Variants in MTHFD2L observed in about 807,000 individuals in gnomAD.
MTHFD2L encodes the protein methylenetetrahydrofolate dehydrogenase (NADP+ dependent) 2 like, also known as bifunctional methylenetetrahydrofolate dehydrogenase/cyclohydrolase 2, mitochondrial.
In MTHFD2L, 29 loss-of-function variants were observed where a neutral mutation model predicts 34.9. The observed-to-expected ratio is 0.83, with a 90% CI of 0.62 to 1.13. The LOEUF (loss-of-function observed/expected upper bound fraction) is 1.13. Ranked by LOEUF, MTHFD2L falls within the 50% of genes most tolerant of loss-of-function variation. The pLI is 0.00. For synonymous variants in MTHFD2L, 167 were observed against 155.7 expected (o/e 1.07, Z -0.54); for missense variants, 481 against 446.5 (o/e 1.08, Z -0.70).
At chr4:74,264,990 C>A (rs533310475) in intron 6 of MTHFD2L, among the ~76,000 whole-genome samples, 120 of 152,180 alleles carry the variant, frequency 7.9e-4, no homozygotes, top group Non-Finnish European at 1.5e-3. Flanking sequence ...ACATGTGTAA[C>A]ACATTTCAAT....
At chr4:74,166,626 C>G (rs577681613) in intron 1 of MTHFD2L, among the ~76,000 whole-genome samples, 1 of 152,296 alleles carries the variant, frequency 6.6e-6, no homozygotes, top group East Asian at 1.9e-4. Context: ...GAAAAAAATG[C>G]AACAAGTGTT....
chr4:74,124,217 A>G (rs1019699994), upstream of MTHFD2L, among the ~76,000 whole-genome samples: 14 of 151,860 alleles, frequency 9.2e-5, no homozygotes, highest in African/African-American at 2.9e-4. Context: ...TATAACAAAT[A>G]GTGTGTTTTT....
chr4:74,270,254 G>A (rs1011295379), intron 6 of MTHFD2L, among the ~76,000 whole-genome samples: 1 of 151,570 alleles, frequency 6.6e-6, no homozygotes, highest in Non-Finnish European at 1.5e-5. Context: ...TGTGCCATGT[G>A]GGTGTGCTGC....
rs1214883457 is a variant in MTHFD2L, at chr4:74,302,506, C to T, written c.*697C>T. ...AATGATTATATCACATTGTGAATGA[C>T]TACTTGCCACAGTAAAAATACATGA... is the stretch of plus-strand genomic sequence containing the variant. On this transcript the variant is annotated 3_prime_UTR_variant, in exon 8 of 8. Transcript: ENST00000325278. 6.6e-6 allele frequency: 1 copy of T among 152,074 alleles called. No homozygotes were observed. The highest frequency in any genetic ancestry group is 2.4e-5 in the African/African-American group (1 of 41,442). The allele number at this position is 152,074 out of a possible 1,614,324, so 9.4% of individuals were successfully genotyped here. A position where few individuals can be genotyped will look rare whatever the true frequency, so the allele number is the denominator to read the frequency against.
intron 7 of MTHFD2L, among the ~76,000 whole-genome samples, chr4:74,283,568 G>A (rs1578716176): frequency 6.6e-6 from 1 of 152,274 alleles, no homozygotes; most frequent in African/African-American, 2.4e-5. Context: ...TCAGTTAAAT[G>A]ATAGCAATTA....
At chr4:74,298,554 G>T (rs1391890993) in intron 7 of MTHFD2L, among the ~76,000 whole-genome samples, 1 of 151,996 alleles carries the variant, frequency 6.6e-6, no homozygotes, top group East Asian at 1.9e-4. Flanking sequence ...TAATTTGGAA[G>T]AGGAAGATAA....
intron 3 of MTHFD2L, among the ~76,000 whole-genome samples, chr4:74,192,586 C>T (rs1350940614): frequency 1.3e-5 from 2 of 151,896 alleles, no homozygotes; most frequent in African/African-American, 4.8e-5. Flanking sequence ...TAATCTAAAC[C>T]CCTATCATAT....
At chr4:74,122,739 T>C (rs1721825483), upstream of MTHFD2L, among the ~76,000 whole-genome samples, 1 of 152,184 alleles carries the variant, frequency 6.6e-6, no homozygotes, top group South Asian at 2.1e-4. Context: ...CTGAAACAGT[T>C]TTATCTATCT....
At chr4:74,158,523 T>G (rs533039968) in intron 1 of MTHFD2L, 76 of 163,314 alleles carry the variant, frequency 4.7e-4, no homozygotes, top group Non-Finnish European at 6.9e-4. Context: ...GTTCCATCTT[T>G]GCAGCAGGTG....
chr4:74,262,996 C>T (rs768235352), intron 6 of MTHFD2L, among the ~76,000 whole-genome samples: 1 of 151,976 alleles, frequency 6.6e-6, no homozygotes, highest in East Asian at 1.9e-4. Flanking sequence ...ACTTATCTCT[C>T]AACTCACCAA....
At chr4:74,242,172 T>C (rs1384649548) in intron 6 of MTHFD2L, 1 of 141,812 alleles carries the variant, frequency 7.1e-6, no homozygotes, top group African/African-American at 2.6e-5. Flanking sequence ...AAATGACAAT[T>C]TAATTAAAGC....
At chr4:74,147,371 G>T (rs1723656785) in intron 1 of MTHFD2L, among the ~76,000 whole-genome samples, 1 of 152,144 alleles carries the variant, frequency 6.6e-6, no homozygotes, top group African/African-American at 2.4e-5. Flanking sequence ...TTATATCCTG[G>T]CAGTGTGGGA....
chr4:74,279,845 C>T (rs910200780), intron 6 of MTHFD2L, among the ~76,000 whole-genome samples: 5 of 152,032 alleles, frequency 3.3e-5, no homozygotes, highest in African/African-American at 1.2e-4. Context: ...AAATATATCT[C>T]AAACATTGGT....
chr4:74,278,609 G>A lies in MTHFD2L; in HGVS notation c.806-2816G>A, dbSNP rs891656571. On this transcript the variant is annotated intron_variant, in intron 6 of 7. Coordinates refer to ENST00000325278, the MANE Select transcript of MTHFD2L (RefSeq NM_001144978.3). ...AAGCATCTGCCATCACTGGTTGTTG[G>A]CAGGGGGCTGATCAGTCTATTATGG... 2.0e-5 allele frequency among the ~76,000 whole-genome samples: 3 copies of A among 152,186 alleles called. No individual in the cohort carries two copies. In the East Asian group the frequency reaches 5.8e-4, roughly 29 times the overall value.
At position 74,301,998 on chromosome 4, in the gene MTHFD2L, G is replaced by T. The variant is rs1750381757; in HGVS notation, c.*189G>T. The T allele has an allele frequency of 2.4e-6, 1 of 410,454 alleles. No homozygotes were observed. The highest frequency in any genetic ancestry group is 2.1e-5 in the African/African-American group (1 of 48,242). 25.4% of individuals were successfully genotyped at this position (410,454 alleles called of 1,614,324 possible). ...CCTGCTAATTTATTTTGAGTTTTAA[G>T]AAAACAACCAAAACAATTCCAATGA... On this transcript the variant is annotated 3_prime_UTR_variant, in exon 8 of 8. Transcript: ENST00000325278.
intron 6 of MTHFD2L, among the ~76,000 whole-genome samples, chr4:74,238,668 G>A (rs1263813962): frequency 3.9e-5 from 6 of 152,146 alleles, no homozygotes; most frequent in African/African-American, 1.4e-4. Context: ...CCATCAAAAA[G>A]TGGGCAAAGG....
intron 5 of MTHFD2L, chr4:74,224,070 G>A (rs1738706723): frequency 1.3e-5 from 2 of 152,072 alleles, no homozygotes; most frequent in African/African-American, 4.8e-5. Context: ...GGGGGTTAGA[G>A]GAGGTCCTGT....
chr4:74,177,838 A>G (rs980283845), intron 3 of MTHFD2L, among the ~76,000 whole-genome samples: 3 of 152,018 alleles, frequency 2.0e-5, no homozygotes, highest in African/African-American at 4.8e-5. Flanking sequence ...TTTAAGATAC[A>G]TAATCAACTT....
intron 5 of MTHFD2L, among the ~76,000 whole-genome samples, chr4:74,203,932 C>G (rs1384424023): frequency 6.7e-6 from 1 of 149,748 alleles, no homozygotes; most frequent in Non-Finnish European, 1.5e-5. Context: ...TTGTTTTTAT[C>G]TGTAACATAA....
Sources: gnomAD v4.1 joint callset for allele counts (sites outside exome capture counted in the v4.1 genomes callset) on GRCh38, gnomAD v4.1.1 for gene constraint, MANE v1.5 for transcripts, NCBI Gene and HGNC (gene_info 2026-07-23, HGNC 2026-07-21) for gene names.